Variants in ZBTB20 observed in about 807,000 individuals in gnomAD.
The protein encoded by ZBTB20 is zinc finger and BTB domain containing 20.
ZBTB20 carries 9 observed loss-of-function variants against 56.9 expected under a neutral mutation model. The observed-to-expected ratio is 0.16, with a 90% confidence interval of 0.10 to 0.28. ZBTB20 has a LOEUF of 0.28. Ranked by LOEUF, ZBTB20 falls within the 10% of genes least tolerant of loss-of-function variation. The pLI is 1.00. For missense variants in ZBTB20, 655 were observed against 1,003.0 expected (o/e 0.65, Z 4.69); for synonymous variants, 417 against 420.7 (o/e 0.99, Z 0.11).
Position 114,513,738 on chromosome 3 carries a change from A to C in ZBTB20, c.-294-13347T>G, listed in dbSNP as rs1361609117. Among the ~76,000 whole-genome samples the C allele has an allele frequency of 2.0e-5, 3 of 152,290 alleles. No individual in the cohort carries two copies. In the East Asian group the frequency reaches 5.8e-4, roughly 29 times the overall value. ...TAAAAGCAGTCTAAGGGAACTCGGG[A>C]AAAGAAAATCACTACTTTTTCAATC... On this transcript the variant is annotated intron_variant, in intron 6 of 11. Transcript: ENST00000675478.
At chr3:114,503,050 T>C (rs1484810377) in intron 6 of ZBTB20, among the ~76,000 whole-genome samples, 2 of 152,184 alleles carry the variant, frequency 1.3e-5, no homozygotes. Flanking sequence ...GGTGCATTTA[T>C]TCATAAAATT....
At chr3:114,894,262 G>A (rs2074770397) in intron 4 of ZBTB20, among the ~76,000 whole-genome samples, 1 of 152,122 alleles carries the variant, frequency 6.6e-6, no homozygotes, top group South Asian at 2.1e-4. Context: ...TCACAGGGCT[G>A]TTGCAAGGAT....
rs539519885 is a variant in ZBTB20, at chr3:115,107,866, T to C, written c.-702-36452A>G. 9.2e-5 allele frequency among the ~76,000 whole-genome samples: 14 copies of C among 152,234 alleles called. No homozygotes were observed. In the East Asian group the frequency reaches 1.4e-3, roughly 15 times the overall value. ...TGGACATAGATGAATCTGGAAGACA[T>C]AATCCTCAGCAAACTAACACAGGAA... On this transcript the variant is annotated intron_variant, in intron 1 of 11. Transcript: ENST00000675478.
chr3:114,384,255 AAGTT>A (rs2084802561), intron 8 of ZBTB20, among the ~76,000 whole-genome samples: 1 of 152,078 alleles, frequency 6.6e-6, no homozygotes, highest in Non-Finnish European at 1.5e-5. Flanking sequence ...TCCAATGAAA[AAGTT>A]AGACAAGCCA....
At chr3:114,867,593 G>C (rs1057436863) in intron 4 of ZBTB20, among the ~76,000 whole-genome samples, 1 of 152,042 alleles carries the variant, frequency 6.6e-6, no homozygotes, top group Admixed American at 6.6e-5. Flanking sequence ...ACCCCACCAC[G>C]CCCGGCTAAC....
At chr3:115,147,008 CGGGGCGCGG>C (rs2085015463) in intron 1 of ZBTB20, among the ~76,000 whole-genome samples, 1 of 148,530 alleles carries the variant, frequency 6.7e-6, no homozygotes, top group Non-Finnish European at 1.5e-5. Flanking sequence ...CGGGGCGGGG[CGGGGCGCGG>C]GGGCGCGCGC....
chr3:114,760,534 C>T (rs2068361594), intron 5 of ZBTB20, among the ~76,000 whole-genome samples: 1 of 152,086 alleles, frequency 6.6e-6, no homozygotes, highest in African/African-American at 2.4e-5. Context: ...AGCAGAGCAC[C>T]AGTTCTAGAA....
At chr3:114,423,993 T>C (rs1367194387) in intron 7 of ZBTB20, among the ~76,000 whole-genome samples, 2 of 152,226 alleles carry the variant, frequency 1.3e-5, no homozygotes, top group Non-Finnish European at 2.9e-5. Flanking sequence ...CCAGTCTTTA[T>C]CAATGCTTGG....
chr3:114,703,494 G>A lies in ZBTB20; in HGVS notation c.-342-9919C>T, dbSNP rs1334632627. ...AGATGAGGTTTAGAGAGGGAAAATG[G>A]AGGGACTACTTTTTTTTTATTCAAA... On this transcript the variant is annotated intron_variant, in intron 5 of 11. Coordinates refer to ENST00000675478, the MANE Select transcript of ZBTB20 (RefSeq NM_001348800.3). Among the ~76,000 whole-genome samples, 7 of 105,554 alleles carry A rather than the reference G, an allele frequency of 6.6e-5. No homozygotes were observed. The South Asian group carries it at 2.7e-3, about 40-fold the overall frequency. The allele number at this position is 105,554 out of a possible 152,430, so 69.2% of individuals were successfully genotyped here.
chr3:114,341,055 T>C (rs959981183), intron 11 of ZBTB20, among the ~76,000 whole-genome samples: 1 of 152,188 alleles, frequency 6.6e-6, no homozygotes, highest in Non-Finnish European at 1.5e-5. Flanking sequence ...TATTAAACTT[T>C]CTCTCATCAG....
intron 7 of ZBTB20, among the ~76,000 whole-genome samples, chr3:114,476,419 G>C (rs1209345117): frequency 6.6e-6 from 1 of 152,174 alleles, no homozygotes; most frequent in Non-Finnish European, 1.5e-5. Context: ...TAATTCATTT[G>C]TGTTGCTGTA....
At chr3:114,775,764 G>T (rs2108755876) in intron 5 of ZBTB20, among the ~76,000 whole-genome samples, 1 of 152,270 alleles carries the variant, frequency 6.6e-6, no homozygotes. Context: ...TGAATGGAGT[G>T]TGACAGGGAG....
At chr3:114,606,520 G>T (rs917683614) in intron 6 of ZBTB20, among the ~76,000 whole-genome samples, 2 of 152,112 alleles carry the variant, frequency 1.3e-5, no homozygotes, top group African/African-American at 2.4e-5. Flanking sequence ...GTTGCAGGCT[G>T]CCCACTGCTA....
intron 2 of ZBTB20, among the ~76,000 whole-genome samples, chr3:115,018,898 T>C (rs1387432310): frequency 6.6e-6 from 1 of 151,362 alleles, no homozygotes; most frequent in Non-Finnish European, 1.5e-5. Context: ...TTTCATTTTT[T>C]TGGCTCTTCA....
At chr3:114,621,114 TA>T (rs1462913612) in intron 6 of ZBTB20, among the ~76,000 whole-genome samples, 1 of 152,212 alleles carries the variant, frequency 6.6e-6, no homozygotes, top group African/African-American at 2.4e-5. Flanking sequence ...TCTTTCTACT[TA>T]ATTTTAAACT....
chr3:114,704,696 T>A (rs140482080), intron 5 of ZBTB20, among the ~76,000 whole-genome samples: 14 of 152,164 alleles, frequency 9.2e-5, no homozygotes, highest in Non-Finnish European at 1.8e-4. Context: ...TAAATCAAGA[T>A]AATGAATTCT....
In ZBTB20 at chr3:114,610,985, C is replaced by A. The variant is rs1160669561; in HGVS notation, c.-295+82543G>T. Among the ~76,000 whole-genome samples the A allele has an allele frequency of 3.3e-5, 5 of 152,168 alleles. No individual in the cohort carries two copies. The East Asian group carries it at 7.7e-4, about 24-fold the overall frequency. ...ATTTTGGAATTGTCCAAAGAAAGGC[C>A]AACAGGATACATGCTAGGCAATGAT... On this transcript the variant is annotated intron_variant, in intron 6 of 11. Coordinates refer to ENST00000675478, the MANE Select transcript of ZBTB20 (RefSeq NM_001348800.3).
chr3:114,719,973 G>T (rs2064798011), intron 5 of ZBTB20, among the ~76,000 whole-genome samples: 1 of 151,728 alleles, frequency 6.6e-6, no homozygotes, highest in Admixed American at 6.6e-5. Flanking sequence ...CAGATCTAAA[G>T]AAATAATGAG....
intron 3 of ZBTB20, among the ~76,000 whole-genome samples, chr3:114,970,781 C>T (rs939001580): frequency 6.6e-6 from 1 of 152,034 alleles, no homozygotes; most frequent in South Asian, 2.1e-4. Context: ...TTTGGGAGGC[C>T]GAGGCGGGCA....
Sources: allele counts gnomAD v4.1 joint callset (sites outside exome capture counted in the v4.1 genomes callset), GRCh38; gene constraint gnomAD v4.1.1; transcripts MANE v1.5; gene names NCBI Gene and HGNC (gene_info 2026-07-23, HGNC 2026-07-21).